Variants in PCDH15 observed in about 807,000 individuals in gnomAD.
PCDH15 encodes the protein protocadherin-15.
A neutral mutation model predicts 178.5 loss-of-function variants in PCDH15; 129 were observed. That is an observed-to-expected ratio of 0.72 (90% CI 0.63 to 0.84). The LOEUF (loss-of-function observed/expected upper bound fraction) is 0.84. Among genes scored for constraint, PCDH15 ranks in the 40% least tolerant of loss-of-function variants. The pLI is 0.00. For synonymous variants in PCDH15, 800 were observed against 732.0 expected (o/e 1.09, Z -1.50); for missense variants, 2,230 against 2,099.9 (o/e 1.06, Z -1.21).
chr10:53,991,411 T>G (rs919508583), intron 21 of PCDH15, among the ~76,000 whole-genome samples: 31 of 152,016 alleles, frequency 2.0e-4, no homozygotes, highest in African/African-American at 7.2e-4. Flanking sequence ...GGTGGGGACT[T>G]GGAGAACTTT....
At chr10:54,805,996 AT>A (rs1564525072), upstream of PCDH15, among the ~76,000 whole-genome samples, 2 of 152,172 alleles carry the variant, frequency 1.3e-5, no homozygotes, top group Non-Finnish European at 2.9e-5. Flanking sequence ...AAGTCAAATT[AT>A]TTGAATATTT....
In PCDH15 at chr10:53,822,018, A is replaced by G. The variant is rs202223635; in HGVS notation, c.4368-1788T>C. The G allele has an allele frequency of 1.2e-6, 2 of 1,613,960 alleles. No individual in the cohort carries two copies. The highest frequency in any genetic ancestry group is 1.7e-6 in the Non-Finnish European group (2 of 1,179,876). On this transcript the variant is annotated intron_variant, in intron 32 of 37. Coordinates refer to ENST00000644397, the MANE Select transcript of PCDH15 (RefSeq NM_001384140.1). Reference sequence around the variant, plus strand: ...ATTTGTGCGTAGATAGTTTTTTTCTATTTGACTGTACATGTTAGCTACTGA... The same window carrying G: ...ATTTGTGCGTAGATAGTTTTTTTCTGTTTGACTGTACATGTTAGCTACTGA...
intron 27 of PCDH15, among the ~76,000 whole-genome samples, chr10:53,858,093 C>T (rs896166550): frequency 1.3e-5 from 2 of 152,036 alleles, no homozygotes; most frequent in Non-Finnish European, 2.9e-5. Context: ...AGCTTGTGCT[C>T]TTTACTATTA....
intron 1 of PCDH15, among the ~76,000 whole-genome samples, chr10:55,275,455 G>T (rs1319188442): frequency 6.6e-6 from 1 of 151,762 alleles, no homozygotes; most frequent in African/African-American, 2.4e-5. Context: ...TTCTCGATGT[G>T]CTATGGGTTT....
At chr10:54,021,440 C>A (rs771940786) in intron 19 of PCDH15, among the ~76,000 whole-genome samples, 1 of 151,804 alleles carries the variant, frequency 6.6e-6, no homozygotes, top group Non-Finnish European at 1.5e-5. Context: ...GCTTAAAATC[C>A]CCTGGTTTTT....
chr10:54,555,736 C>CAAAAAAAAAAAAAAAAAAGAAAAA (rs2087152638), intron 2 of PCDH15, among the ~76,000 whole-genome samples: 1 of 73,396 alleles, frequency 1.4e-5, no homozygotes, highest in Non-Finnish European at 2.7e-5. Flanking sequence ...GACTCTGTCT[C>CAAAAAAAAAAAAAAAAAAGAAAAA]AAAAAAAAAA....
At chr10:55,233,612 C>A (rs921186520) in intron 1 of PCDH15, among the ~76,000 whole-genome samples, 1 of 151,772 alleles carries the variant, frequency 6.6e-6, no homozygotes, top group Non-Finnish European at 1.5e-5. Context: ...ATTTTTTTCT[C>A]CTAACAATCT....
intron 2 of PCDH15, among the ~76,000 whole-genome samples, chr10:54,929,236 G>T (rs948631296): frequency 6.6e-6 from 1 of 152,048 alleles, no homozygotes; most frequent in African/African-American, 2.4e-5. Context: ...TCTAACTCTG[G>T]GGGACTTGTA....
chr10:54,147,173 G>A (rs1040617220), intron 14 of PCDH15, among the ~76,000 whole-genome samples: 1 of 151,286 alleles, frequency 6.6e-6, no homozygotes, highest in African/African-American at 2.4e-5. Context: ...TAGCAAATAT[G>A]ATTATCCTAC....
At chr10:55,103,044 G>C (rs1016885794) in intron 2 of PCDH15, among the ~76,000 whole-genome samples, 3 of 151,910 alleles carry the variant, frequency 2.0e-5, no homozygotes, top group Non-Finnish European at 4.4e-5. Context: ...TGTGGAAGAG[G>C]GGCAGGCGAG....
At chr10:54,935,510 G>T (rs1258380193) in intron 2 of PCDH15, among the ~76,000 whole-genome samples, 1 of 152,032 alleles carries the variant, frequency 6.6e-6, no homozygotes, top group Non-Finnish European at 1.5e-5. Context: ...TACTAAAATG[G>T]AGTTGAATCC....
At chr10:54,527,227 A>G (rs1405619180) in intron 3 of PCDH15, among the ~76,000 whole-genome samples, 1 of 152,182 alleles carries the variant, frequency 6.6e-6, no homozygotes, top group Non-Finnish European at 1.5e-5. Context: ...AAGGAAAAAA[A>G]GTTTTTCCAA....
At chr10:55,241,749 A>G (rs1453966236) in intron 1 of PCDH15, among the ~76,000 whole-genome samples, 2 of 152,116 alleles carry the variant, frequency 1.3e-5, no homozygotes, top group Non-Finnish European at 2.9e-5. Flanking sequence ...GGACCTTCTC[A>G]TAATCTTATT....
chr10:53,828,471 T>C (rs1285886723), intron 31 of PCDH15, 94 bp downstream of exon 31: 28 of 1,042,472 alleles, frequency 2.7e-5, no homozygotes, highest in Non-Finnish European at 1.5e-6. Context: ...GGGAATAAGA[T>C]GTGGTTCTGA....
chr10:54,887,173 T>A (rs1218758920), intron 3 of PCDH15, among the ~76,000 whole-genome samples: 1 of 152,160 alleles, frequency 6.6e-6, no homozygotes, highest in African/African-American at 2.4e-5. Flanking sequence ...CTGGATTGAA[T>A]CCAATTCTGT....
chr10:55,298,686 T>C (rs1843196495), intron 1 of PCDH15, among the ~76,000 whole-genome samples: 1 of 152,070 alleles, frequency 6.6e-6, no homozygotes, highest in Non-Finnish European at 1.5e-5. Context: ...GTTCAAGTGA[T>C]TCTCCTGCCT....
intron 25 of PCDH15, among the ~76,000 whole-genome samples, chr10:53,910,730 A>G (rs2083024292): frequency 6.6e-6 from 1 of 152,204 alleles, no homozygotes; most frequent in African/African-American, 2.4e-5. Context: ...CTAAAGAAGG[A>G]TGTTTGAAGC....
chr10:55,225,650 TGAGAGAGAGA>T (rs56234985), intron 1 of PCDH15, among the ~76,000 whole-genome samples: 1 of 148,028 alleles, frequency 6.8e-6, no homozygotes, highest in Non-Finnish European at 1.5e-5. Context: ...TGTGTGTGTG[TGAGAGAGAGA>T]GAGAGAGAGA....
At chr10:55,174,983 AC>A (rs1364096935) in intron 1 of PCDH15, among the ~76,000 whole-genome samples, 2 of 152,142 alleles carry the variant, frequency 1.3e-5, no homozygotes, top group Non-Finnish European at 2.9e-5. Context: ...ATGTTATGTT[AC>A]TTTTGACTAC....
Sources: gnomAD v4.1 joint callset for allele counts (sites outside exome capture counted in the v4.1 genomes callset) on GRCh38, gnomAD v4.1.1 for gene constraint, MANE v1.5 for transcripts, NCBI Gene and HGNC (gene_info 2026-07-23, HGNC 2026-07-21) for gene names.